The following GABBR2 variants were observed in gnomAD, a reference collection of about 807,000 sequenced individuals.
GABBR2 encodes the protein G-protein coupled receptor 51.
GABBR2 carries 23 observed loss-of-function variants against 105.6 expected under a neutral mutation model. The observed-to-expected ratio is 0.22, with a 90% CI of 0.16 to 0.31. GABBR2 has a LOEUF of 0.31. Ranked by LOEUF, GABBR2 falls within the 10% of genes least tolerant of loss-of-function variation. The probability of loss-of-function intolerance (pLI) is 1.00; values close to 1 mark genes in which losing one functional copy is unlikely to be tolerated. For synonymous variants in GABBR2, 478 were observed against 499.7 expected (o/e 0.96, Z 0.58); for missense variants, 734 against 1,245.5 (o/e 0.59, Z 6.18).
At chr9:98,592,316 C>T (rs1829158702) in intron 1 of GABBR2, among the ~76,000 whole-genome samples, 2 of 152,316 alleles carry the variant, frequency 1.3e-5, no homozygotes, top group East Asian at 1.9e-4. Context: ...TGTCTGCACT[C>T]AAGGCCAGAT....
chr9:98,639,687 C>G (rs763101411), intron 1 of GABBR2, among the ~76,000 whole-genome samples: 1 of 152,122 alleles, frequency 6.6e-6, no homozygotes, highest in Non-Finnish European at 1.5e-5. Flanking sequence ...AAAGCACCTC[C>G]TACTATCCCC....
At chr9:98,514,996 T>A (rs2808565) in intron 3 of GABBR2, among the ~76,000 whole-genome samples, 146,447 of 152,164 alleles carry the variant, frequency 0.96, 70,528 homozygotes, top group African/African-American at 0.99. Flanking sequence ...AAGGGCCAGT[T>A]CCAGTGGGGG....
chr9:98,596,808 C>T lies in GABBR2; in HGVS notation c.322-18736G>A, dbSNP rs1829242133. ...GTTTGGAGGGGCAGAGTCACAGATT[C>T]TGCAAGACCCCCTCCCCTTAACAGC... On this transcript the variant is annotated intron_variant, in intron 1 of 18. Transcript: ENST00000259455. Among the ~76,000 whole-genome samples the T allele has an allele frequency of 1.3e-5, 2 of 152,308 alleles. 1 individual carries two copies. The highest frequency in any genetic ancestry group is 4.1e-4 in the South Asian group (2 of 4,822).
At chr9:98,485,784 G>A (rs1049254533) in intron 4 of GABBR2, among the ~76,000 whole-genome samples, 10 of 152,080 alleles carry the variant, frequency 6.6e-5, no homozygotes. Context: ...CCCCTCCTTG[G>A]GGCTGGTACA....
At position 98,331,431 on chromosome 9, in the gene GABBR2, T is replaced by A. The variant is rs1831024560; in HGVS notation, c.1894-20226A>T. Among the ~76,000 whole-genome samples the A allele has an allele frequency of 3.7e-5, 5 of 136,004 alleles. No individual in the cohort carries two copies. In the Admixed American group the frequency reaches 3.8e-4, roughly 10 times the overall value. The allele number at this position is 136,004 out of a possible 152,430, so 89.2% of individuals were successfully genotyped here. On this transcript the variant is annotated intron_variant, in intron 13 of 18. Transcript: ENST00000259455. ...TTTTTTTTTTTTTTTTGTGAAACAT[T>A]TCTCAAGGCAGGATGAGCAGCCACC...
At chr9:98,510,071 C>T (rs1827604781) in intron 3 of GABBR2, among the ~76,000 whole-genome samples, 8 of 152,238 alleles carry the variant, frequency 5.3e-5, no homozygotes, top group Admixed American at 5.2e-4. Flanking sequence ...CAGCTGATCT[C>T]TCAGCAGAAA....
chr9:98,533,966 G>C (rs530035561), intron 3 of GABBR2, among the ~76,000 whole-genome samples: 232 of 152,244 alleles, frequency 1.5e-3, no homozygotes, highest in African/African-American at 5.2e-3. Context: ...TTCTAACAAG[G>C]GTGGCTTCTA....
At chr9:98,607,086 G>T in intron 1 of GABBR2, 1 of 1,567,882 alleles carries the variant, frequency 6.4e-7, no homozygotes, top group South Asian at 1.1e-5. Context: ...ATCTGGTTTT[G>T]ATTCACGCTA....
intron 1 of GABBR2, among the ~76,000 whole-genome samples, chr9:98,620,932 C>T (rs978300563): frequency 2.0e-5 from 3 of 152,098 alleles, no homozygotes; most frequent in Non-Finnish European, 2.9e-5. Flanking sequence ...TTGTGCCTAC[C>T]TCCTAAAGCC....
chr9:98,625,647 G>T (rs746364367), intron 1 of GABBR2, among the ~76,000 whole-genome samples: 1 of 152,196 alleles, frequency 6.6e-6, no homozygotes, highest in Non-Finnish European at 1.5e-5. Flanking sequence ...AGTGTGGTTA[G>T]GATCACTCTT....
At chr9:98,474,790 A>T (rs914856155) in intron 5 of GABBR2, among the ~76,000 whole-genome samples, 1 of 152,134 alleles carries the variant, frequency 6.6e-6, no homozygotes, top group African/African-American at 2.4e-5. Flanking sequence ...GGGAGGCCAG[A>T]GCTCCCAACA....
At chr9:98,520,469 G>A (rs1449768318) in intron 3 of GABBR2, among the ~76,000 whole-genome samples, 3 of 152,222 alleles carry the variant, frequency 2.0e-5, no homozygotes, top group Non-Finnish European at 4.4e-5. Flanking sequence ...TAGGGAGGCA[G>A]CTGTTCACAG....
At chr9:98,547,216 A>G (rs1455668088) in intron 2 of GABBR2, among the ~76,000 whole-genome samples, 1 of 117,652 alleles carries the variant, frequency 8.5e-6, no homozygotes, top group African/African-American at 2.7e-5. Context: ...CACGACCTGT[A>G]TACAATCCAT....
chr9:98,482,156 G>C (rs555646988), intron 4 of GABBR2, among the ~76,000 whole-genome samples: 1 of 152,328 alleles, frequency 6.6e-6, no homozygotes, highest in South Asian at 2.1e-4. Flanking sequence ...CCTCCAGCAG[G>C]CCTCATGGCC....
chr9:98,645,244 T>C (rs888618794), intron 1 of GABBR2, among the ~76,000 whole-genome samples: 6 of 152,178 alleles, frequency 3.9e-5, no homozygotes, highest in African/African-American at 1.4e-4. Flanking sequence ...TGGGCTGCAG[T>C]GGTAACCAGC....
In GABBR2 at chr9:98,578,740, A is replaced by T. The variant is rs115796118; in HGVS notation, c.322-668T>A. 7.2e-3 allele frequency among the ~76,000 whole-genome samples: 1,092 copies of T among 152,330 alleles called. 19 individuals are homozygous for T. The highest frequency in any genetic ancestry group is 0.025 in the African/African-American group (1,019 of 41,570). ...CCATCAACAGGTGAATGGATAATGGAACAGTAGTGTATCCATGCAGTGGAA... is the reference window on the plus strand; with the variant it reads ...CCATCAACAGGTGAATGGATAATGGTACAGTAGTGTATCCATGCAGTGGAA... On this transcript the variant is annotated intron_variant, in intron 1 of 18. Coordinates refer to ENST00000259455, the MANE Select transcript of GABBR2 (RefSeq NM_005458.8).
intron 1 of GABBR2, among the ~76,000 whole-genome samples, chr9:98,677,840 G>C (rs982764255): frequency 1.2e-4 from 18 of 152,044 alleles, no homozygotes; most frequent in African/African-American, 3.6e-4. Flanking sequence ...TCCAATCTCT[G>C]CTCCAGCACC....
chr9:98,535,465 C>CAA lies in GABBR2; in HGVS notation c.630+6406_630+6407dup, dbSNP rs111401823. The stretch of plus-strand genomic sequence containing the variant: ...AACAACAGAGCAACAAAAAATAACA[C>CAA]AAAAAAAAACCCAATGCAGTATAAC... On this transcript the variant is annotated intron_variant, in intron 3 of 18. Transcript: ENST00000259455. Among the ~76,000 whole-genome samples the CAA allele has an allele frequency of 5.3e-5, 8 of 149,786 alleles. 1 individual carries two copies. Among genetic ancestry groups the CAA allele is most frequent in the Admixed American group, 2.7e-4 (4 of 15,076 alleles).
intron 1 of GABBR2, among the ~76,000 whole-genome samples, chr9:98,633,230 G>A (rs117671220): frequency 0.012 from 1,776 of 152,256 alleles, 61 homozygotes; most frequent in Admixed American, 0.066. Flanking sequence ...TATGAAAAAC[G>A]TGGCAAAATG....
Sources: allele counts gnomAD v4.1 joint callset (sites outside exome capture counted in the v4.1 genomes callset), GRCh38; gene constraint gnomAD v4.1.1; transcripts MANE v1.5; gene names NCBI Gene and HGNC (gene_info 2026-07-23, HGNC 2026-07-21).